CPB1: variants seen among roughly 807,000 people sequenced by gnomAD.
CPB1 encodes carboxypeptidase B.
In CPB1, 53 loss-of-function variants were observed where a neutral mutation model predicts 51.4. That is an observed-to-expected ratio of 1.03 (90% CI 0.83 to 1.30). The LOEUF is 1.30. Among genes scored for constraint, CPB1 ranks in the 50% most tolerant of loss-of-function variants. CPB1 has a pLI of 0.00. For missense variants in CPB1, 494 were observed against 516.2 expected (o/e 0.96, Z 0.42); for synonymous variants, 189 against 186.9 (o/e 1.01, Z -0.09).
chr3:148,836,074 T>A (rs575579776), intron 3 of CPB1, among the ~76,000 whole-genome samples: 38 of 150,480 alleles, frequency 2.5e-4, no homozygotes, highest in African/African-American at 8.0e-4. Flanking sequence ...AAAATAAAAA[T>A]ATATATATAA....
chr3:148,846,835 A>G (rs1233652578), intron 9 of CPB1, among the ~76,000 whole-genome samples: 7 of 115,078 alleles, frequency 6.1e-5, no homozygotes, highest in African/African-American at 2.3e-4. Flanking sequence ...ATATATATAT[A>G]TATATATGTT....
chr3:148,859,766 C>A, intron 10 of CPB1, 49 bp from the exon 11 acceptor site: 1 of 1,520,038 alleles, frequency 6.6e-7, no homozygotes, highest in Non-Finnish European at 8.9e-7. Context: ...TTTTTTAAAG[C>A]TCCTTCCTAG....
chr3:148,846,196 A>C (rs1350940938), intron 9 of CPB1, among the ~76,000 whole-genome samples: 2 of 152,192 alleles, frequency 1.3e-5, no homozygotes, highest in Middle Eastern at 3.2e-3. Flanking sequence ...GAATAAAGCA[A>C]AGAAATGTAA....
chr3:148,835,771 C>T (rs1484582536), intron 3 of CPB1, among the ~76,000 whole-genome samples: 1 of 151,846 alleles, frequency 6.6e-6, no homozygotes, highest in Non-Finnish European at 1.5e-5. Context: ...AAGAATGTAG[C>T]CTATATAATT....
At chr3:148,857,364 A>C in intron 9 of CPB1, 93 bp from the exon 10 acceptor site, 1 of 914,072 alleles carries the variant, frequency 1.1e-6, no homozygotes, top group Non-Finnish European at 1.7e-6. Context: ...ATTGTTACTT[A>C]CATGCTTTGA....
intron 9 of CPB1, chr3:148,854,784 T>C (rs915716102): frequency 1.3e-5 from 2 of 152,188 alleles, no homozygotes; most frequent in African/African-American, 2.4e-5. Context: ...AGGAAATAGA[T>C]GCAAAAACAA....
intron 4 of CPB1, 42 bp from the exon 5 acceptor site, chr3:148,840,832 C>G (rs1389904865): frequency 1.2e-6 from 2 of 1,613,252 alleles, no homozygotes; most frequent in East Asian, 2.2e-5. Context: ...GGGAATTGAA[C>G]CAAGAATGCC....
At chr3:148,839,732 C>G (rs1713021056) in intron 3 of CPB1, among the ~76,000 whole-genome samples, 1 of 152,172 alleles carries the variant, frequency 6.6e-6, no homozygotes, top group Admixed American at 6.5e-5. Context: ...AGAGGAGAAG[C>G]AGACTTTTGA....
At chr3:148,827,959 A>G in intron 1 of CPB1, 43 bp from the exon 2 acceptor site, 1 of 1,611,446 alleles carries the variant, frequency 6.2e-7, no homozygotes, top group Non-Finnish European at 8.5e-7. Context: ...TGGACACATT[A>G]CTCATTTCCA....
chr3:148,846,805 A>G (rs1255943799), intron 9 of CPB1, among the ~76,000 whole-genome samples: 7,264 of 59,522 alleles, frequency 0.12, 751 homozygotes, highest in African/African-American at 0.19. Flanking sequence ...GTGTATATAT[A>G]TATATATATA....
At chr3:148,836,105 T>C (rs1180476145) in intron 3 of CPB1, among the ~76,000 whole-genome samples, 1 of 151,922 alleles carries the variant, frequency 6.6e-6, no homozygotes, top group African/African-American at 2.4e-5. Flanking sequence ...ACTGGTATTA[T>C]ATTGCTGAGA....
At chr3:148,838,062 C>A (rs1033279775) in intron 3 of CPB1, 1 of 152,294 alleles carries the variant, frequency 6.6e-6, no homozygotes, top group African/African-American at 2.4e-5. Flanking sequence ...TCCTAGCTAA[C>A]ACGGTCAAAC....
In CPB1 at chr3:148,859,790, T is replaced by C. The variant is rs1450192311; in HGVS notation, c.1067-25T>C. 3.9e-6 allele frequency: 6 copies of C among 1,553,328 alleles called. No homozygotes were observed. In the South Asian group the frequency reaches 7.4e-5, roughly 19 times the overall value. On this transcript the variant is annotated intron_variant, in intron 10 of 10. Transcript: ENST00000282957. ...GCTCCTTCCTAGATTTAAAGTTTTTTTTCACTGCTGTTTGCACATTTCAGA... is the reference window on the plus strand; with the variant it reads ...GCTCCTTCCTAGATTTAAAGTTTTTCTTCACTGCTGTTTGCACATTTCAGA...
Position 148,827,864 on chromosome 3 carries a change from C to T in CPB1, c.41C>T (p.Ser14Phe). Reference sequence around the variant, plus strand: ...GTTCTGGTGACTGTGGCCCTGGCATCTGCTCATCATGGTGGTGAGCACTTT... The same window carrying T: ...GTTCTGGTGACTGTGGCCCTGGCATTTGCTCATCATGGTGGTGAGCACTTT... The part of the protein sequence containing the change: ...LLVLVTVALA[S>F]AHHGGEHFEG... Residue 14 changes from serine (S) to phenylalanine (F), a missense_variant, in exon 1 of 11, where the codon TCT (serine) becomes TTT (phenylalanine). Transcript: ENST00000282957. The T allele has an allele frequency of 2.5e-6, 4 of 1,614,152 alleles. No individual in the cohort carries two copies. Among genetic ancestry groups the T allele is most frequent in the Non-Finnish European group, 3.4e-6 (4 of 1,180,020 alleles).
rs1387287833 is a variant in CPB1, at chr3:148,840,865, A to T, written c.373-9A>T. 6.2e-7 allele frequency: 1 copy of T among 1,613,598 alleles called. No homozygotes were observed. Among genetic ancestry groups the T allele is most frequent in the Non-Finnish European group, 8.5e-7 (1 of 1,179,476 alleles). On this transcript the variant is annotated splice_polypyrimidine_tract_variant and intron_variant, in intron 4 of 10. Transcript: ENST00000282957. ...GCCACATTGATCTACAAATGATTCC[A>T]TTTGGTAGATAGAGGCTTGGACTCA...
In CPB1 at chr3:148,845,714, T is replaced by G. The variant is rs562751270; in HGVS notation, c.981+88T>G. ...AAAAAAAATCATTATAAGAACACTT[T>G]CTGGAAGTCCCTTTATTGATTTTTT... On this transcript the variant is annotated intron_variant, in intron 9 of 10. Coordinates refer to ENST00000282957, the MANE Select transcript of CPB1 (RefSeq NM_001871.3). 4.0e-5 allele frequency: 41 copies of G among 1,025,614 alleles called. 1 individual carries two copies. In the South Asian group the frequency reaches 6.5e-4, roughly 16 times the overall value. The allele number at this position is 1,025,614 out of a possible 1,614,324, so 63.5% of individuals were successfully genotyped here.
chr3:148,834,707 T>A, intron 3 of CPB1, 85 bp downstream of exon 3: 1 of 1,366,284 alleles, frequency 7.3e-7, no homozygotes, highest in Non-Finnish European at 1.0e-6. Flanking sequence ...AAGGAAGAAA[T>A]GAGACCAAGA....
intron 6 of CPB1, among the ~76,000 whole-genome samples, chr3:148,842,988 G>T (rs113510073): frequency 0.033 from 5,080 of 152,060 alleles, 321 homozygotes; most frequent in African/African-American, 0.12. Flanking sequence ...CAAAGTAAGG[G>T]ACATTCTGCA....
chr3:148,838,473 T>C (rs1712975815), intron 3 of CPB1: 1 of 152,062 alleles, frequency 6.6e-6, no homozygotes. Flanking sequence ...GCAGTTTCTG[T>C]CGGTTGATTT....
Sources: allele counts gnomAD v4.1 joint callset (sites outside exome capture counted in the v4.1 genomes callset), GRCh38; gene constraint gnomAD v4.1.1; transcripts MANE v1.5; gene names NCBI Gene and HGNC (gene_info 2026-07-23, HGNC 2026-07-21).